PCDH15: variants seen among roughly 807,000 people sequenced by gnomAD.
PCDH15 encodes the protein protocadherin related 15.
Under a neutral mutation model 178.5 loss-of-function variants are expected in PCDH15, and 129 were observed. The observed-to-expected ratio is 0.72, with a 90% confidence interval of 0.63 to 0.84. The LOEUF is 0.84. Ranked by LOEUF, PCDH15 falls within the 40% of genes least tolerant of loss-of-function variation. PCDH15 has a pLI of 0.00. For missense variants in PCDH15, 2,230 were observed against 2,099.9 expected (o/e 1.06, Z -1.21); for synonymous variants, 800 against 732.0 (o/e 1.09, Z -1.50).
chr10:55,237,750 T>G (rs1182908934), intron 1 of PCDH15, among the ~76,000 whole-genome samples: 1 of 152,006 alleles, frequency 6.6e-6, no homozygotes, highest in African/African-American at 2.4e-5. Flanking sequence ...TATTTTGTTT[T>G]AAACCAAAAA....
intron 1 of PCDH15, among the ~76,000 whole-genome samples, chr10:54,691,621 G>C (rs555787127): frequency 5.3e-5 from 8 of 151,802 alleles, no homozygotes; most frequent in Admixed American, 3.3e-4. Flanking sequence ...GAATGGCAAT[G>C]CTTAACTCTT....
intron 2 of PCDH15, among the ~76,000 whole-genome samples, chr10:55,429,937 C>G (rs1378984914): frequency 1.3e-5 from 2 of 152,170 alleles, no homozygotes; most frequent in South Asian, 2.1e-4. Flanking sequence ...CCAAATCAAC[C>G]TTTTCTATGA....
rs1244816010 is a variant in PCDH15 at position 54,924,427 on chromosome 10, C to T, written c.-79-26927G>A. Among the ~76,000 whole-genome samples, 2 of 137,644 alleles carry T rather than the reference C, an allele frequency of 1.5e-5. 1 individual carries two copies. The highest frequency in any genetic ancestry group is 3.4e-5 in the Non-Finnish European group (2 of 59,148). 90.3% of individuals were successfully genotyped at this position (137,644 alleles called of 152,430 possible). On this transcript the variant is annotated intron_variant, in intron 2 of 5. Transcript: ENST00000458638. ...TATACACATGCATGTGTCTTTATGA[C>T]TGGACAATTCATATGCATTTGGGTA...
At chr10:54,989,088 C>G (rs1839441838) in intron 2 of PCDH15, among the ~76,000 whole-genome samples, 1 of 152,156 alleles carries the variant, frequency 6.6e-6, no homozygotes, top group Admixed American at 6.5e-5. Flanking sequence ...GGGTGCAAGC[C>G]CCAAGCATTG....
intron 2 of PCDH15, among the ~76,000 whole-genome samples, chr10:54,948,234 G>A (rs1221176920): frequency 1.3e-5 from 2 of 151,944 alleles, no homozygotes; most frequent in African/African-American, 4.8e-5. Context: ...AAGCCTTAAG[G>A]CTTGAGACCT....
At chr10:54,202,322 A>AG (rs1457878789) in intron 10 of PCDH15, among the ~76,000 whole-genome samples, 3 of 151,932 alleles carry the variant, frequency 2.0e-5, no homozygotes, top group African/African-American at 7.3e-5. Flanking sequence ...TCTTAGGAAG[A>AG]GAAAAAAAAA....
intron 2 of PCDH15, among the ~76,000 whole-genome samples, chr10:55,031,480 C>T (rs1840606834): frequency 6.6e-6 from 1 of 152,106 alleles, no homozygotes; most frequent in African/African-American, 2.4e-5. Flanking sequence ...ATTTCAAGAC[C>T]TCATCAAAAG....
At chr10:54,005,922 G>A (rs1413514982) in intron 20 of PCDH15, among the ~76,000 whole-genome samples, 2 of 152,026 alleles carry the variant, frequency 1.3e-5, no homozygotes, top group Non-Finnish European at 2.9e-5. Context: ...TCCATCAACA[G>A]AATAATGGAG....
At chr10:55,007,629 A>C (rs1005468868) in intron 2 of PCDH15, among the ~76,000 whole-genome samples, 1 of 152,116 alleles carries the variant, frequency 6.6e-6, no homozygotes, top group African/African-American at 2.4e-5. Flanking sequence ...GTTCCTTTAC[A>C]TGTAAAACTC....
intron 2 of PCDH15, among the ~76,000 whole-genome samples, chr10:54,960,502 G>A (rs1242526247): frequency 6.6e-6 from 1 of 152,040 alleles, no homozygotes; most frequent in Non-Finnish European, 1.5e-5. Flanking sequence ...TAATACTCTT[G>A]AACTTTCTAC....
chr10:55,548,936 G>A (rs190234918), intron 2 of PCDH15, among the ~76,000 whole-genome samples: 1 of 152,002 alleles, frequency 6.6e-6, no homozygotes, highest in African/African-American at 2.4e-5. Flanking sequence ...TGATGGTTTA[G>A]AAAACAAAAG....
intron 2 of PCDH15, among the ~76,000 whole-genome samples, chr10:55,459,453 T>C (rs1226994221): frequency 6.6e-6 from 1 of 152,098 alleles, no homozygotes; most frequent in Non-Finnish European, 1.5e-5. Flanking sequence ...GATTACCCTA[T>C]ACTTTTTTAT....
intron 1 of PCDH15, among the ~76,000 whole-genome samples, chr10:54,695,671 T>C (rs1366025932): frequency 1.3e-5 from 2 of 152,088 alleles, no homozygotes; most frequent in African/African-American, 4.8e-5. Flanking sequence ...TGGATGAATG[T>C]AGGTGGTGAC....
In PCDH15 at chr10:54,366,400, C is replaced by T. The variant is rs868479686; in HGVS notation, c.474+2720G>A. On this transcript the variant is annotated intron_variant, in intron 5 of 37. Coordinates refer to ENST00000644397, the MANE Select transcript of PCDH15 (RefSeq NM_001384140.1). ...GACAAATAGTATGAAAAATACCTTG[C>T]AATCTTGCACAGAATAAAACTCATT... Among the ~76,000 whole-genome samples, 7 of 152,004 alleles carry T rather than the reference C, an allele frequency of 4.6e-5. No individual in the cohort carries two copies. In the South Asian group the frequency reaches 1.2e-3, roughly 27 times the overall value.
chr10:55,192,989 T>TTA (rs1353312782), intron 1 of PCDH15, among the ~76,000 whole-genome samples: 1 of 150,424 alleles, frequency 6.6e-6, no homozygotes, highest in African/African-American at 2.4e-5. Context: ...AAATGGCTTT[T>TTA]TTTTTTTTTT....
chr10:54,329,974 AC>A (rs1812430226), intron 6 of PCDH15, among the ~76,000 whole-genome samples: 1 of 151,826 alleles, frequency 6.6e-6, no homozygotes, highest in African/African-American at 2.4e-5. Context: ...TTATTCATCA[AC>A]AGTCTTGGAA....
At chr10:55,132,229 ATTTG>A (rs1039638232) in intron 2 of PCDH15, among the ~76,000 whole-genome samples, 2 of 152,154 alleles carry the variant, frequency 1.3e-5, no homozygotes, top group African/African-American at 4.8e-5. Flanking sequence ...TCTTATACTT[ATTTG>A]TTTGCAAAAC....
intron 3 of PCDH15, among the ~76,000 whole-genome samples, chr10:54,474,225 TA>T (rs2078115863): frequency 6.6e-6 from 1 of 151,714 alleles, no homozygotes; most frequent in Admixed American, 6.6e-5. Flanking sequence ...ATTTTAGCAA[TA>T]AAAATTAAGT....
At chr10:55,584,838 T>G (rs1780730379) in intron 2 of PCDH15, among the ~76,000 whole-genome samples, 1 of 151,522 alleles carries the variant, frequency 6.6e-6, no homozygotes, top group Non-Finnish European at 1.5e-5. Flanking sequence ...AATGTTAGGC[T>G]ATAAATACAA....
Sources: gnomAD v4.1 joint callset for allele counts (sites outside exome capture counted in the v4.1 genomes callset) on GRCh38, gnomAD v4.1.1 for gene constraint, MANE v1.5 for transcripts, NCBI Gene and HGNC (gene_info 2026-07-23, HGNC 2026-07-21) for gene names.